Variants in DMTN observed in about 807,000 individuals in gnomAD.
The protein encoded by DMTN is dematin actin binding protein.
A neutral mutation model predicts 59.4 loss-of-function variants in DMTN; 27 were observed. That is an observed-to-expected ratio of 0.45 (90% CI 0.33 to 0.63). DMTN has a LOEUF of 0.63. Ranked by LOEUF, DMTN falls within the 20% of genes least tolerant of loss-of-function variation. The probability of loss-of-function intolerance (pLI) is 0.02; values close to 1 mark genes in which losing one functional copy is unlikely to be tolerated. For missense variants in DMTN, 451 were observed against 528.9 expected, an observed-to-expected ratio of 0.85 and a Z score of 1.45; for synonymous variants, 221 against 203.7, an observed-to-expected ratio of 1.08 and a Z score of -0.72.
chr8:22,076,357 C>A (rs1221184540), intron 10 of DMTN, among the ~76,000 whole-genome samples: 4 of 152,100 alleles, frequency 2.6e-5, no homozygotes, highest in African/African-American at 4.8e-5. Flanking sequence ...GTAATCCCAG[C>A]ACTTTGGAAG....
rs1563499279 is a variant in DMTN at position 22,073,653 on chromosome 8, GA to G, written c.730-74del. ...CTCAAAAAAAAAAAAAAAAAAAAAA[GA>G]AAGAAAAAAAAAAAGAGAAAAAAGA... is the stretch of plus-strand genomic sequence containing the variant. On this transcript the variant is annotated intron_variant, in intron 9 of 15. Coordinates refer to ENST00000358242, the MANE Select transcript of DMTN (RefSeq NM_001387751.1). The G allele has an allele frequency of 5.1e-5, 37 of 718,512 alleles. 1 individual carries two copies. The highest frequency in any genetic ancestry group is 6.7e-5 in the Non-Finnish European group (35 of 519,444). The allele number at this position is 718,512 out of a possible 1,614,324, so 44.5% of individuals were successfully genotyped here. A position where few individuals can be genotyped will look rare whatever the true frequency, so the allele number is the denominator to read the frequency against.
At chr8:22,078,433 A>C (rs967876293) in intron 10 of DMTN, among the ~76,000 whole-genome samples, 1 of 149,176 alleles carries the variant, frequency 6.7e-6, no homozygotes, top group African/African-American at 2.4e-5. Context: ...GAATATATAC[A>C]TATATATGTA....
At chr8:22,071,672 C>A (rs1302759085) in intron 8 of DMTN, among the ~76,000 whole-genome samples, 1 of 152,018 alleles carries the variant, frequency 6.6e-6, no homozygotes, top group Non-Finnish European at 1.5e-5. Flanking sequence ...CTCCGCCTCC[C>A]GGGCTCACGC....
chr8:22,069,415 G>A lies in DMTN; in HGVS notation c.295-4G>A, dbSNP rs775845525. ...CCCTGGAGCCACACGCTTCTGCTCT[G>A]CAGGTGTGGGCGGACAGCCGGTCGC... On this transcript the variant is annotated splice_region_variant and splice_polypyrimidine_tract_variant and intron_variant, in intron 5 of 15. Coordinates refer to ENST00000358242, the MANE Select transcript of DMTN (RefSeq NM_001387751.1). 1.9e-6 allele frequency: 3 copies of A among 1,612,176 alleles called. No individual in the cohort carries two copies. Among genetic ancestry groups the A allele is most frequent in the African/African-American group, 2.7e-5 (2 of 74,810 alleles).
rs1411848291 is a variant in DMTN at position 22,082,296 on chromosome 8, A to C, written c.*833A>C. The stretch of plus-strand genomic sequence containing the variant: ...CCCCACACACTATGCTCTCTCAAGA[A>C]TGTAATTTATTGGGGCCCCCCCAGC... On this transcript the variant is annotated 3_prime_UTR_variant, in exon 16 of 16. Transcript: ENST00000358242. 2 of 454,358 alleles carry C rather than the reference A, an allele frequency of 4.4e-6. No individual in the cohort carries two copies. The highest frequency in any genetic ancestry group is 8.9e-6 in the Non-Finnish European group (2 of 225,598). 28.1% of individuals were successfully genotyped at this position (454,358 alleles called of 1,614,324 possible). A position where few individuals can be genotyped will look rare whatever the true frequency, so the allele number is the denominator to read the frequency against.
At position 22,072,365 on chromosome 8, in the gene DMTN, C is replaced by T. The variant is rs765328346; in HGVS notation, c.644C>T (p.Ala215Val). The T allele has an allele frequency of 6.2e-7, 1 of 1,604,530 alleles. No homozygotes were observed. The highest frequency in any genetic ancestry group is 2.2e-5 in the East Asian group (1 of 44,530). ...WRKRKASRRGAEEEEEEEDDD... is the reference protein window; with the variant it reads ...WRKRKASRRGVEEEEEEEDDD... ...AAGCGGAAGGCGTCTCGGAGGGGAG[C>T]AGAGGAAGAGGAGGAGGAGGAAGAT... The change falls in exon 9 of 16, where the codon GCA becomes GTA. Residue 215 changes from alanine to valine, a missense_variant. Transcript: ENST00000358242.
At chr8:22,075,170 G>C (rs1818719229) in intron 10 of DMTN, among the ~76,000 whole-genome samples, 1 of 137,150 alleles carries the variant, frequency 7.3e-6, no homozygotes, top group African/African-American at 2.6e-5. Flanking sequence ...CTAGGGAACA[G>C]CGTGAGACTC....
chr8:22,078,798 G>GTTTTTTTTTTTTT lies in DMTN; in HGVS notation c.836-1378_836-1366dup, dbSNP rs1224977627. ...TCTTTCTGTAGTATAATGTCAGACT[G>GTTTTTTTTTTTTT]TTTTTTTTTTTTTTTTGAGATGGAG... On this transcript the variant is annotated intron_variant, in intron 10 of 15. Coordinates refer to ENST00000358242, the MANE Select transcript of DMTN (RefSeq NM_001387751.1). Among the ~76,000 whole-genome samples the GTTTTTTTTTTTTT allele has an allele frequency of 5.1e-4, 43 of 85,080 alleles. 3 individuals are homozygous for GTTTTTTTTTTTTT. The highest frequency in any genetic ancestry group is 6.3e-4 in the Non-Finnish European group (30 of 47,698). The allele number at this position is 85,080 out of a possible 152,430, so 55.8% of individuals were successfully genotyped here.
chr8:22,067,737 G>A, intron 4 of DMTN, 55 bp downstream of exon 4: 1 of 1,594,820 alleles, frequency 6.3e-7, no homozygotes, highest in Non-Finnish European at 8.5e-7. Flanking sequence ...CAGCCACACT[G>A]GGTGGGGACC....
intron 1 of DMTN, among the ~76,000 whole-genome samples, chr8:22,061,702 C>T (rs986686955): frequency 6.6e-6 from 1 of 152,070 alleles, no homozygotes; most frequent in African/African-American, 2.4e-5. Context: ...AGTGACCCCT[C>T]CAAACCTCTG....
intron 9 of DMTN, among the ~76,000 whole-genome samples, 169 bp from the exon 10 acceptor site, chr8:22,073,561 G>T (rs563542344): frequency 5.4e-5 from 8 of 147,988 alleles, no homozygotes; most frequent in Admixed American, 3.4e-4. Context: ...AGCCCAGGAG[G>T]TCAAGGTTGC....
Position 22,067,082 on chromosome 8 carries a change from C to T in DMTN, c.19-3C>T, listed in dbSNP as rs1413804543. The T allele has an allele frequency of 6.2e-7, 1 of 1,601,898 alleles. No individual in the cohort carries two copies. Among genetic ancestry groups the T allele is most frequent in the African/African-American group, 1.4e-5 (1 of 73,842 alleles). ...CACCCGCCCGCCTTCTCGCTCTCCC[C>T]AGCAACCACTTACCTCCCCCGGGAG... On this transcript the variant is annotated splice_region_variant and splice_polypyrimidine_tract_variant and intron_variant, in intron 2 of 15. Coordinates refer to ENST00000358242, the MANE Select transcript of DMTN (RefSeq NM_001387751.1).
chr8:22,069,509 C>T lies in DMTN; in HGVS notation c.385C>T (p.His129Tyr). 6.3e-7 allele frequency: 1 copy of T among 1,597,766 alleles called. No homozygotes were observed. Among genetic ancestry groups the T allele is most frequent in the Non-Finnish European group, 8.5e-7 (1 of 1,172,766 alleles). Residue 129 changes from histidine to tyrosine, a missense_variant, in exon 6 of 16, where the codon CAC becomes TAC. Transcript: ENST00000358242. ...GTPRTSLPHF[H>Y]HPETSRPDSN... ...CCCCCGGACCAGCCTGCCCCATTTC[C>T]ACCACCCTGGTAGGTCTTCTCGGCA...
intron 6 of DMTN, 101 bp downstream of exon 6, chr8:22,069,619 G>A (rs1454716243): frequency 1.4e-5 from 16 of 1,106,610 alleles, no homozygotes; most frequent in South Asian, 7.9e-5. Flanking sequence ...GTATATGCTC[G>A]CCTCAGGGCT....
At chr8:22,072,295 C>G in intron 8 of DMTN, 31 bp from the exon 9 acceptor site, 2 of 1,580,668 alleles carry the variant, frequency 1.3e-6, no homozygotes, top group South Asian at 2.3e-5. Flanking sequence ...TGGCGAGTGA[C>G]TCCCTCCCCA....
chr8:22,080,053 A>C, intron 10 of DMTN, 127 bp from the exon 11 acceptor site: 2 of 1,054,004 alleles, frequency 1.9e-6, no homozygotes, highest in Non-Finnish European at 2.8e-6. Flanking sequence ...GCAGAAGCCC[A>C]CCAGGTTCCC....
In DMTN at chr8:22,072,351, G is replaced by A. The variant is rs774205392; in HGVS notation, c.630G>A (p.Ala210=). ...AGACAGAATGGAGGAAGCGGAAGGC[G>A]TCTCGGAGGGGAGCAGAGGAAGAGG... is the stretch of plus-strand genomic sequence containing the variant. ...VVETEWRKRK[A]SRRGAEEEEE... Residue 210 remains alanine (A), a synonymous_variant, in exon 9 of 16, where the codon GCG becomes GCA. Coordinates refer to ENST00000358242, the MANE Select transcript of DMTN (RefSeq NM_001387751.1). 2.1e-5 allele frequency: 33 copies of A among 1,603,642 alleles called. No homozygotes were observed. Among genetic ancestry groups the A allele is most frequent in the Admixed American group, 1.7e-4 (10 of 58,880 alleles).
chr8:22,061,326 G>A (rs559559811), intron 1 of DMTN, among the ~76,000 whole-genome samples: 65 of 151,226 alleles, frequency 4.3e-4, no homozygotes, highest in Non-Finnish European at 8.7e-4. Flanking sequence ...GAAAAAATGT[G>A]AACTGCCCAG....
intron 1 of DMTN, among the ~76,000 whole-genome samples, chr8:22,065,963 C>A (rs1189461513): frequency 1.3e-5 from 2 of 150,792 alleles, no homozygotes; most frequent in African/African-American, 4.9e-5. Flanking sequence ...ACCTCAGCCT[C>A]CCGAGTAGCT....
Sources: gnomAD v4.1 joint callset for allele counts (sites outside exome capture counted in the v4.1 genomes callset) on GRCh38, gnomAD v4.1.1 for gene constraint, MANE v1.5 for transcripts, NCBI Gene and HGNC (gene_info 2026-07-23, HGNC 2026-07-21) for gene names.